The following RNF145 variants were observed in gnomAD, a reference collection of about 807,000 sequenced individuals.
RNF145 encodes ring finger protein 145.
RNF145 carries 12 observed loss-of-function variants against 57.3 expected under a neutral mutation model. The ratio of observed to expected loss-of-function variants is 0.21; its 90% CI spans 0.13 to 0.34. The LOEUF is 0.34. RNF145 is among the 10% of genes least tolerant of loss of function. The probability of loss-of-function intolerance (pLI) is 1.00; values close to 1 mark genes in which losing one functional copy is unlikely to be tolerated. For synonymous variants in RNF145, 262 were observed against 288.3 expected (o/e 0.91, Z 0.92); for missense variants, 429 against 799.0 (o/e 0.54, Z 5.58).
intron 1 of RNF145, 49 bp from the exon 2 acceptor site, chr5:159,203,705 C>T (rs139226147): frequency 1.5e-5 from 19 of 1,285,250 alleles, no homozygotes; most frequent in South Asian, 2.7e-5. Context: ...CAACACAAAT[C>T]GCTTTTAGAT....
At chr5:159,197,185 T>C (rs1204013437) in intron 2 of RNF145, among the ~76,000 whole-genome samples, 1 of 152,218 alleles carries the variant, frequency 6.6e-6, no homozygotes, top group Non-Finnish European at 1.5e-5. Flanking sequence ...TAAAGGTGAA[T>C]GGTTCTTTAC....
intron 8 of RNF145, among the ~76,000 whole-genome samples, chr5:159,168,040 AAC>A (rs758300916): frequency 2.6e-5 from 4 of 152,328 alleles, no homozygotes; most frequent in Non-Finnish European, 5.9e-5. Context: ...CTAGAAAAAA[AAC>A]AGTGACATCG....
At chr5:159,208,178 C>G in intron 1 of RNF145, 1 of 1,371,138 alleles carries the variant, frequency 7.3e-7, no homozygotes. Context: ...TAACCCCAAC[C>G]CAGCTCGCGG....
chr5:159,179,874 T>C (rs1021977924), intron 4 of RNF145, among the ~76,000 whole-genome samples: 1 of 152,182 alleles, frequency 6.6e-6, no homozygotes, highest in Non-Finnish European at 1.5e-5. Flanking sequence ...GGTTACTGTC[T>C]CAATTTAATA....
chr5:159,201,260 C>T (rs916600206), intron 2 of RNF145, among the ~76,000 whole-genome samples: 5 of 152,190 alleles, frequency 3.3e-5, no homozygotes, highest in Non-Finnish European at 5.9e-5. Flanking sequence ...TTTTGGTATA[C>T]GTGGGCATCC....
intron 2 of RNF145, 135 bp from the exon 3 acceptor site, chr5:159,194,959 A>G (rs1195203207): frequency 1.7e-6 from 1 of 593,358 alleles, no homozygotes; most frequent in East Asian, 3.0e-5. Context: ...TACTTACCAA[A>G]GTAAGTTTAG....
chr5:159,191,923 C>T (rs1315900260), intron 3 of RNF145, among the ~76,000 whole-genome samples: 1 of 151,976 alleles, frequency 6.6e-6, no homozygotes, highest in Non-Finnish European at 1.5e-5. Context: ...CTACTTAGGT[C>T]CCCTTTTTCC....
intron 3 of RNF145, among the ~76,000 whole-genome samples, chr5:159,190,288 C>G (rs1345691209): frequency 6.6e-6 from 1 of 152,126 alleles, no homozygotes; most frequent in Non-Finnish European, 1.5e-5. Flanking sequence ...CCTGCCTTGG[C>G]CTCCCAAAAT....
At chr5:159,195,128 T>C (rs1366273844) in intron 2 of RNF145, among the ~76,000 whole-genome samples, 3 of 152,224 alleles carry the variant, frequency 2.0e-5, no homozygotes, top group African/African-American at 7.2e-5. Flanking sequence ...ACTTGTTTTA[T>C]GCCAATTCTC....
intron 4 of RNF145, among the ~76,000 whole-genome samples, chr5:159,178,524 T>C (rs1225009804): frequency 2.0e-5 from 3 of 152,098 alleles, no homozygotes; most frequent in Non-Finnish European, 2.9e-5. Context: ...CAGATTAATT[T>C]AGAATAATTA....
intron 4 of RNF145, 123 bp from the exon 5 acceptor site, chr5:159,176,990 G>T: frequency 1.7e-6 from 1 of 591,324 alleles, no homozygotes; most frequent in East Asian, 2.9e-5. Context: ...CTAAAATCTC[G>T]TAGATAATAT....
chr5:159,167,323 C>G (rs1784420586), intron 8 of RNF145, among the ~76,000 whole-genome samples: 1 of 152,148 alleles, frequency 6.6e-6, no homozygotes, highest in Non-Finnish European at 1.5e-5. Context: ...AGGAATAACA[C>G]AGACACCAAT....
intron 3 of RNF145, among the ~76,000 whole-genome samples, chr5:159,190,681 CAAAAAA>C (rs58247587): frequency 3.4e-5 from 3 of 87,300 alleles, no homozygotes; most frequent in Admixed American, 1.3e-4. Context: ...ACAACCATCT[CAAAAAA>C]AAAAAAAAAA....
At position 159,193,346 on chromosome 5, in the gene RNF145, A is replaced by G. The variant is rs564362708; in HGVS notation, c.293+1370T>C. ...GGTGGCAGAAGTTAAAGAGTAAGAC[A>G]CCATCCTCCAGGCACCATTTTGAGC... On this transcript the variant is annotated intron_variant, in intron 3 of 10. Transcript: ENST00000424310. Among the ~76,000 whole-genome samples, 5 of 152,286 alleles carry G rather than the reference A, an allele frequency of 3.3e-5. No homozygotes were observed. In the East Asian group the frequency reaches 9.7e-4, roughly 29 times the overall value.
upstream of RNF145, chr5:159,209,957 G>T: frequency 1.3e-6 from 2 of 1,490,318 alleles, no homozygotes; most frequent in Non-Finnish European, 1.8e-6. Context: ...GACTGGACTA[G>T]ACTGTAAACT....
chr5:159,178,928 T>C (rs935975121), intron 4 of RNF145, among the ~76,000 whole-genome samples: 1 of 152,034 alleles, frequency 6.6e-6, no homozygotes, highest in African/African-American at 2.4e-5. Context: ...TCACAAAGCA[T>C]TAATTTTGGC....
chr5:159,193,437 C>T (rs1165695190), intron 3 of RNF145, among the ~76,000 whole-genome samples: 2 of 152,016 alleles, frequency 1.3e-5, no homozygotes, highest in East Asian at 1.9e-4. Context: ...TGGGAAACAC[C>T]CTGGGACTTT....
upstream of RNF145, chr5:159,209,915 A>G (rs1481928214): frequency 3.9e-6 from 6 of 1,535,356 alleles, no homozygotes; most frequent in Non-Finnish European, 5.2e-6. Context: ...CGCAGTAGCA[A>G]TGATGCGAGA....
intron 3 of RNF145, among the ~76,000 whole-genome samples, chr5:159,188,455 G>GA (rs1254703879): frequency 6.6e-6 from 1 of 151,554 alleles, no homozygotes; most frequent in Non-Finnish European, 1.5e-5. Context: ...ATCTGTGGAT[G>GA]TGACCACACC....
Sources: gnomAD v4.1 joint callset for allele counts (sites outside exome capture counted in the v4.1 genomes callset) on GRCh38, gnomAD v4.1.1 for gene constraint, MANE v1.5 for transcripts, NCBI Gene and HGNC (gene_info 2026-07-23, HGNC 2026-07-21) for gene names.